The following ATP9B variants were observed in gnomAD, a reference collection of about 807,000 sequenced individuals.
ATP9B encodes probable phospholipid-transporting ATPase IIB.
Under a neutral mutation model 146.1 loss-of-function variants are expected in ATP9B, and 110 were observed. The ratio of observed to expected loss-of-function variants is 0.75; its 90% CI spans 0.65 to 0.88. The LOEUF is 0.88. Among genes scored for constraint, ATP9B ranks in the 40% least tolerant of loss-of-function variants. ATP9B has a pLI of 0.00. For synonymous variants in ATP9B, 604 were observed against 569.7 expected, an observed-to-expected ratio of 1.06 and a Z score of -0.86; for missense variants, 1,499 against 1,496.4, an observed-to-expected ratio of 1.00 and a Z score of -0.03.
chr18:79,265,286 T>G (rs1377809481), intron 12 of ATP9B, among the ~76,000 whole-genome samples: 2 of 152,216 alleles, frequency 1.3e-5, no homozygotes, highest in Non-Finnish European at 2.9e-5. Context: ...TATTCCATGA[T>G]GTAGATGTAC....
chr18:79,337,244 C>T (rs761964986), intron 18 of ATP9B, 35 bp from the exon 19 acceptor site: 21 of 1,604,652 alleles, frequency 1.3e-5, no homozygotes, highest in East Asian at 2.2e-5. Flanking sequence ...AGCACGTACA[C>T]GTGTGCACAC....
chr18:79,205,676 T>C (rs1443545032), intron 9 of ATP9B, among the ~76,000 whole-genome samples: 1 of 152,202 alleles, frequency 6.6e-6, no homozygotes, highest in African/African-American at 2.4e-5. Flanking sequence ...TGCAGGGCTG[T>C]GGATGCATTC....
chr18:79,155,663 T>C (rs988865331), intron 7 of ATP9B, among the ~76,000 whole-genome samples: 7 of 152,136 alleles, frequency 4.6e-5, no homozygotes, highest in African/African-American at 1.7e-4. Flanking sequence ...GACTGTTAGA[T>C]TTCAGAGTTG....
At chr18:79,305,678 T>G (rs1203515181) in intron 14 of ATP9B, among the ~76,000 whole-genome samples, 1 of 152,248 alleles carries the variant, frequency 6.6e-6, no homozygotes, top group Non-Finnish European at 1.5e-5. Flanking sequence ...GCAGAAAAGA[T>G]GAAGCATCAT....
At chr18:79,116,922 T>TAAAAAAAAAAAAAAAAATTAAAAAAAAAA (rs781553384) in intron 4 of ATP9B, among the ~76,000 whole-genome samples, 1 of 59,826 alleles carries the variant, frequency 1.7e-5, no homozygotes, top group Non-Finnish European at 3.8e-5. Context: ...TAGAGTATAA[T>TAAAAAAAAAAAAAAAAATTAAAAAAAAAA]AAAAAAAAAA....
intron 8 of ATP9B, among the ~76,000 whole-genome samples, chr18:79,183,470 A>G (rs1304515156): frequency 6.6e-6 from 1 of 152,064 alleles, no homozygotes; most frequent in Non-Finnish European, 1.5e-5. Flanking sequence ...GATAATTCTT[A>G]CCTAAGAAAA....
chr18:79,195,493 GAAAA>G (rs894291677), intron 9 of ATP9B, among the ~76,000 whole-genome samples: 30 of 152,180 alleles, frequency 2.0e-4, no homozygotes, highest in Admixed American at 9.8e-4. Flanking sequence ...AGCAAGGAAA[GAAAA>G]AACCTCAATG....
chr18:79,188,558 T>A (rs1331048003), intron 8 of ATP9B, among the ~76,000 whole-genome samples: 1 of 152,208 alleles, frequency 6.6e-6, no homozygotes, highest in African/African-American at 2.4e-5. Flanking sequence ...GGAAAAAGCA[T>A]TCTATCAAAT....
intron 5 of ATP9B, among the ~76,000 whole-genome samples, chr18:79,131,760 A>G (rs2094381472): frequency 6.6e-6 from 1 of 152,238 alleles, no homozygotes; most frequent in Non-Finnish European, 1.5e-5. Flanking sequence ...AATTTCTATG[A>G]TGGAATTTTA....
At chr18:79,168,213 G>A (rs2095010785) in intron 7 of ATP9B, among the ~76,000 whole-genome samples, 2 of 152,274 alleles carry the variant, frequency 1.3e-5, no homozygotes, top group Admixed American at 1.3e-4. Flanking sequence ...AAAATAGAAG[G>A]AGACTTGGTG....
At chr18:79,192,924 C>T (rs1199137959) in intron 8 of ATP9B, among the ~76,000 whole-genome samples, 1 of 152,144 alleles carries the variant, frequency 6.6e-6, no homozygotes, top group East Asian at 1.9e-4. Flanking sequence ...GGACAGGCCC[C>T]GGGGCTGCCT....
At chr18:79,171,256 G>T (rs1048459470) in intron 7 of ATP9B, among the ~76,000 whole-genome samples, 9 of 152,116 alleles carry the variant, frequency 5.9e-5, no homozygotes, top group African/African-American at 1.9e-4. Flanking sequence ...TATTAGCACT[G>T]TTGAAATTTT....
chr18:79,080,800 T>TA (rs1362824724), intron 1 of ATP9B, among the ~76,000 whole-genome samples: 1 of 152,236 alleles, frequency 6.6e-6, no homozygotes, highest in African/African-American at 2.4e-5. Context: ...ATTCCATCAA[T>TA]ACCTACTTTA....
At chr18:79,220,117 C>T (rs1200155557) in intron 11 of ATP9B, among the ~76,000 whole-genome samples, 2 of 152,066 alleles carry the variant, frequency 1.3e-5, no homozygotes, top group South Asian at 2.1e-4. Context: ...GACAGCCGGT[C>T]GTGATGGTGG....
In ATP9B at chr18:79,193,186, C is replaced by G; in HGVS notation, c.877C>G (p.Leu293Val). 1 of 1,600,392 alleles carries G rather than the reference C, an allele frequency of 6.2e-7. No individual in the cohort carries two copies. Among genetic ancestry groups the G allele is most frequent in the Non-Finnish European group, 8.6e-7 (1 of 1,169,332 alleles). The change falls in exon 9 of 30, where the codon CTT (leucine) becomes GTT (valine). Residue 293 changes from leucine (L) to valine (V), a missense_variant. Physicochemically the swap from Leu to Val is conservative, Grantham distance 32. Coordinates refer to ENST00000426216, the MANE Select transcript of ATP9B (RefSeq NM_198531.5). ...ATTCAAATGTTCTGTATTCCAGGAC[C>G]TTTTTTCTATCAGTGCTTATGTTTA... ...CTQQLPALGD[L>V]FSISAYVYAQ...
chr18:79,258,550 C>T (rs2096107955), intron 12 of ATP9B, among the ~76,000 whole-genome samples: 1 of 152,216 alleles, frequency 6.6e-6, no homozygotes, highest in Admixed American at 6.5e-5. Context: ...TATGACTATG[C>T]ATATTTATAT....
At chr18:79,307,701 A>G (rs1046932526) in intron 15 of ATP9B, among the ~76,000 whole-genome samples, 1 of 152,256 alleles carries the variant, frequency 6.6e-6, no homozygotes, top group Non-Finnish European at 1.5e-5. Context: ...GAATGTAAAT[A>G]ATTTCCAAAA....
chr18:79,069,482 C>T lies in ATP9B; in HGVS notation c.72C>T (p.Ala24=), dbSNP rs983753211. 4.0e-6 allele frequency: 6 copies of T among 1,490,496 alleles called. No homozygotes were observed. Among genetic ancestry groups the T allele is most frequent in the Non-Finnish European group, 5.3e-6 (6 of 1,121,668 alleles). The allele number at this position is 1,490,496 out of a possible 1,614,324, so 92.3% of individuals were successfully genotyped here. A position where few individuals can be genotyped will look rare whatever the true frequency, so the allele number is the denominator to read the frequency against. Reference sequence around the variant, plus strand: ...CCGCAGCCAACCGCAAACGCGCGGCCTACTACAGCGCCGCGGGGCCCAGGC... The same window carrying T: ...CCGCAGCCAACCGCAAACGCGCGGCTTACTACAGCGCCGCGGGGCCCAGGC... ...AAAAANRKRA[A]YYSAAGPRPG... is the part of the protein sequence containing the mutation. Residue 24 remains alanine, a synonymous_variant, in exon 1 of 30, where the codon GCC becomes GCT. Coordinates refer to ENST00000426216, the MANE Select transcript of ATP9B (RefSeq NM_198531.5).
At chr18:79,164,600 T>C (rs2094936659) in intron 7 of ATP9B, among the ~76,000 whole-genome samples, 1 of 151,866 alleles carries the variant, frequency 6.6e-6, no homozygotes, top group East Asian at 1.9e-4. Context: ...GCGCCTGTAG[T>C]CCCAGCTACT....
Sources: allele counts gnomAD v4.1 joint callset (sites outside exome capture counted in the v4.1 genomes callset), GRCh38; gene constraint gnomAD v4.1.1; transcripts MANE v1.5; gene names NCBI Gene and HGNC (gene_info 2026-07-23, HGNC 2026-07-21).